The following TUBA3E variants were observed in gnomAD, a reference collection of about 807,000 sequenced individuals.
TUBA3E encodes tubulin alpha 3e.
TUBA3E carries 21 observed loss-of-function variants against 36.7 expected under a neutral mutation model. The ratio of observed to expected loss-of-function variants is 0.57; its 90% confidence interval spans 0.41 to 0.83. TUBA3E has a LOEUF of 0.83. Ranked by LOEUF, TUBA3E falls within the 40% of genes least tolerant of loss-of-function variation. The pLI is 0.00. For missense variants in TUBA3E, 469 were observed against 604.2 expected, an observed-to-expected ratio of 0.78 and a Z score of 2.35; for synonymous variants, 177 against 241.9, an observed-to-expected ratio of 0.73 and a Z score of 2.49.
chr2:130,196,869 G>A (rs946061192), intron 1 of TUBA3E, among the ~76,000 whole-genome samples: 5 of 152,126 alleles, frequency 3.3e-5, no homozygotes, highest in Admixed American at 1.3e-4. Context: ...CTGTGCTCTC[G>A]AAGGCTGACC....
chr2:130,195,097 C>A lies in TUBA3E; in HGVS notation c.357G>T (p.Leu119=). The change falls in exon 3 of 5, where the codon CTG becomes CTT. Residue 119 remains leucine, a synonymous_variant. Coordinates refer to ENST00000312988, the MANE Select transcript of TUBA3E (RefSeq NM_207312.3). The part of the protein sequence containing the change: ...TIGKEIVDLV[L]DRIRKLADLC... ...TTCTTACCAGTTTGCGGATCCGGTC[C>A]AGGACTAGGTCAACAATCTCCTTGC... The A allele has an allele frequency of 6.2e-7, 1 of 1,613,004 alleles. No individual in the cohort carries two copies. The highest frequency in any genetic ancestry group is 8.5e-7 in the Non-Finnish European group (1 of 1,179,452).
intron 1 of TUBA3E, among the ~76,000 whole-genome samples, chr2:130,197,066 C>A (rs1265981545): frequency 6.6e-6 from 1 of 152,170 alleles, no homozygotes; most frequent in African/African-American, 2.4e-5. Flanking sequence ...TGGCAGGCTG[C>A]CCTCTTCATA....
Position 130,196,198 on chromosome 2 carries a change from G to A in TUBA3E, c.177C>T (p.Gly59=). 1 of 1,613,976 alleles carries A rather than the reference G, an allele frequency of 6.2e-7. No homozygotes were observed. Among genetic ancestry groups the A allele is most frequent in the Non-Finnish European group, 8.5e-7 (1 of 1,179,864 alleles). The change falls in exon 2 of 5, where the codon GGC becomes GGT. Residue 59 remains glycine, a synonymous_variant. Coordinates refer to ENST00000312988, the MANE Select transcript of TUBA3E (RefSeq NM_207312.3). ...CAAACACTGCTCTGGGCACGTGCTT[G>A]CCAGCTCCAGTCTCACTGAAGAACG... The part of the protein sequence containing the change: ...FNTFFSETGA[G]KHVPRAVFVD...
chr2:130,195,179 A>G lies in TUBA3E; in HGVS notation c.275T>C (p.Leu92Pro). 6.2e-7 allele frequency: 1 copy of G among 1,614,020 alleles called. No individual in the cohort carries two copies. Among genetic ancestry groups the G allele is most frequent in the African/African-American group, 1.3e-5 (1 of 74,930 alleles). The change falls in exon 3 of 5, where the codon CTG becomes CCG. Residue 92 changes from leucine (L) to proline (P), a missense_variant. This residue lies in a region of TUBA3E where 169 missense variants were observed against 239.0 expected (regional missense o/e 0.71). Transcript: ENST00000312988. ...TYRQLFHPEQ[L>P]ITGKEDAASN... ...GGCTGCATCTTCCTTCCCGGTGATCAGCTGCTCTGGGTGGAAGAGCTGCCT... is the reference window on the plus strand; with the variant it reads ...GGCTGCATCTTCCTTCCCGGTGATCGGCTGCTCTGGGTGGAAGAGCTGCCT...
chr2:130,191,877 C>T lies in TUBA3E; in HGVS notation c.1307G>A (p.Gly436Asp), dbSNP rs1690267510. 1.2e-6 allele frequency: 2 copies of T among 1,614,078 alleles called. No individual in the cohort carries two copies. Among genetic ancestry groups the T allele is most frequent in the African/African-American group, 1.3e-5 (1 of 75,044 alleles). ...AALEKDCEEV[G>D]VDSVEAEAEE... is the part of the protein sequence containing the mutation. ...AGCCTCAGCTTCCACGGAATCCACG[C>T]CCACCTCTTCACAATCCTTCTCTAG... Residue 436 changes from glycine to aspartate, a missense_variant, in exon 5 of 5, where the codon GGC (glycine) becomes GAC (aspartate). By Grantham distance (94) the Gly-to-Asp change is moderately conservative (BLOSUM62 -1). This residue lies in a region of TUBA3E where 296 missense variants were observed against 346.9 expected (regional missense o/e 0.85). Transcript: ENST00000312988.
At position 130,194,829 on chromosome 2, in the gene TUBA3E, C is replaced by A. The variant is rs112341378; in HGVS notation, c.375+250G>T. 3.9e-3 allele frequency among the ~76,000 whole-genome samples: 587 copies of A among 152,254 alleles called. 4 individuals are homozygous for A. Among genetic ancestry groups the A allele is most frequent in the African/African-American group, 0.013 (551 of 41,532 alleles). On this transcript the variant is annotated intron_variant, in intron 3 of 4. Coordinates refer to ENST00000312988, the MANE Select transcript of TUBA3E (RefSeq NM_207312.3). ...AGTAGCTGGCAGTACAGGTGTGTGCCACCACACCCAGCTAATTTTCGTATT... is the reference window on the plus strand; with the variant it reads ...AGTAGCTGGCAGTACAGGTGTGTGCAACCACACCCAGCTAATTTTCGTATT...
intron 3 of TUBA3E, 72 bp from the exon 4 acceptor site, chr2:130,194,538 G>A (rs3828172): frequency 0.35 from 493,306 of 1,390,338 alleles, 80,865 homozygotes; most frequent in Admixed American, 0.42. Context: ...AGCCAGGGCC[G>A]CTTCTCTTTG....
Position 130,193,920 on chromosome 2 carries a change from G to T in TUBA3E, c.922C>A (p.Arg308Ser), listed in dbSNP as rs374949875. ...CAGCAGGCCATGTACTTGCCATGGC[G>T]AGGGTCACACTTGACCATCTGATTG... Reference protein sequence around the residue: ...PANQMVKCDPRHGKYMACCML... With the variant: ...PANQMVKCDPSHGKYMACCML... Residue 308 changes from arginine to serine, a missense_variant, in exon 4 of 5, where the codon CGC (arginine) becomes AGC (serine). By Grantham distance (110) the Arg-to-Ser change is moderately radical. Transcript: ENST00000312988. 1.2e-6 allele frequency: 2 copies of T among 1,614,224 alleles called. No individual in the cohort carries two copies. Among genetic ancestry groups the T allele is most frequent in the Non-Finnish European group, 1.7e-6 (2 of 1,180,040 alleles).
At position 130,198,303 on chromosome 2, in the gene TUBA3E, G is replaced by C; in HGVS notation, c.3+55C>G. 8.9e-6 allele frequency: 12 copies of C among 1,349,688 alleles called. 4 individuals are homozygous for C. The South Asian group carries it at 1.6e-4, about 18-fold the overall frequency. 83.6% of individuals were successfully genotyped at this position (1,349,688 alleles called of 1,614,324 possible). A position where few individuals can be genotyped will look rare whatever the true frequency, so the allele number is the denominator to read the frequency against. ...CGCAACAACGTCCCTCTGTCCACCC[G>C]AGGCCAACTTCGTCTGCCTGGGCAT... On this transcript the variant is annotated intron_variant, in intron 1 of 4. Coordinates refer to ENST00000312988, the MANE Select transcript of TUBA3E (RefSeq NM_207312.3).
intron 2 of TUBA3E, among the ~76,000 whole-genome samples, chr2:130,195,694 C>G (rs1288291064): frequency 1.3e-5 from 2 of 152,206 alleles, no homozygotes; most frequent in African/African-American, 4.8e-5. Flanking sequence ...AAGGTGCTGC[C>G]TCTTTGTAGC....
In TUBA3E at chr2:130,192,263, C is replaced by T. The variant is rs946516267; in HGVS notation, c.1057-136G>A. 5 of 1,294,022 alleles carry T rather than the reference C, an allele frequency of 3.9e-6. No individual in the cohort carries two copies. In the African/African-American group the frequency reaches 7.5e-5, roughly 20 times the overall value. The allele number at this position is 1,294,022 out of a possible 1,614,324, so 80.2% of individuals were successfully genotyped here. A position where few individuals can be genotyped will look rare whatever the true frequency, so the allele number is the denominator to read the frequency against. On this transcript the variant is annotated intron_variant, in intron 4 of 4. Transcript: ENST00000312988. The stretch of plus-strand genomic sequence containing the variant: ...GTTCACCTCACAAACGTCACTAAGC[C>T]CTTCTCTGCACCAGGCAGGGTGATA...
At position 130,194,275 on chromosome 2, in the gene TUBA3E, T is replaced by C. The variant is rs2259488; in HGVS notation, c.567A>G (p.Leu189=). ...AATGTTCCAGGGTCGTGTGGGTGGT[T>C]AGGATGGAGTTGTAGGGCTCCACCA... ...TAVVEPYNSI[L]TTHTTLEHSD... is the part of the protein sequence containing the mutation. The change falls in exon 4 of 5, where the codon CTA becomes CTG. Residue 189 remains leucine (L), a synonymous_variant. Transcript: ENST00000312988. 0.24 allele frequency: 333,192 copies of C among 1,371,912 alleles called. 93,833 individuals are homozygous for C. The highest frequency in any genetic ancestry group is 0.41 in the African/African-American group (24,819 of 60,246). 85.0% of individuals were successfully genotyped at this position (1,371,912 alleles called of 1,614,324 possible). A position where few individuals can be genotyped will look rare whatever the true frequency, so the allele number is the denominator to read the frequency against.
rs1363877673 is a variant in TUBA3E at position 130,191,947 on chromosome 2, T to A, written c.1237A>T (p.Met413Leu). ...AFVHWYVGEG[M>L]EEGEFSEARE... ...GCCTCAGAGAACTCTCCCTCTTCCA[T>A]GCCTTCGCCCACGTACCAGTGCACA... The change falls in exon 5 of 5, where the codon ATG (methionine) becomes TTG (leucine). Residue 413 changes from methionine (M) to leucine (L), a missense_variant. Met to Leu is a conservative substitution (Grantham distance 15). Around this residue, in one of 3 missense-constraint regions of TUBA3E, gnomAD observed 296 missense variants for 346.9 expected, o/e 0.85. Coordinates refer to ENST00000312988, the MANE Select transcript of TUBA3E (RefSeq NM_207312.3). The A allele has an allele frequency of 6.2e-7, 1 of 1,613,930 alleles. No homozygotes were observed. Among genetic ancestry groups the A allele is most frequent in the East Asian group, 2.2e-5 (1 of 44,864 alleles).
chr2:130,195,288 A>G (rs1383768479), intron 2 of TUBA3E, 61 bp from the exon 3 acceptor site: 104 of 1,578,004 alleles, frequency 6.6e-5, no homozygotes, highest in Non-Finnish European at 8.0e-5. Context: ...AGATGGACAC[A>G]TTCCAGGAGT....
At chr2:130,195,425 C>G (rs555284685) in intron 2 of TUBA3E, among the ~76,000 whole-genome samples, 198 bp from the exon 3 acceptor site, 1 of 152,232 alleles carries the variant, frequency 6.6e-6, no homozygotes, top group Non-Finnish European at 1.5e-5. Flanking sequence ...TATGACTCTA[C>G]GACGTTAAAC....
In TUBA3E at chr2:130,194,499, C is replaced by T. The variant is rs182062496; in HGVS notation, c.376-33G>A. 51 of 1,519,918 alleles carry T rather than the reference C, an allele frequency of 3.4e-5. No individual in the cohort carries two copies. In the African/African-American group the frequency reaches 4.0e-4, roughly 12 times the overall value. The allele number at this position is 1,519,918 out of a possible 1,614,324, so 94.2% of individuals were successfully genotyped here. A position where few individuals can be genotyped will look rare whatever the true frequency, so the allele number is the denominator to read the frequency against. Reference sequence around the variant, plus strand: ...AAACCAGACAACGTGAGCCAATGCCCGTGGAAGCCACACCACCAACCTCCA... The same window carrying T: ...AAACCAGACAACGTGAGCCAATGCCTGTGGAAGCCACACCACCAACCTCCA... On this transcript the variant is annotated intron_variant, in intron 3 of 4. Coordinates refer to ENST00000312988, the MANE Select transcript of TUBA3E (RefSeq NM_207312.3).
At chr2:130,192,788 A>ACATATAG (rs1343005306) in intron 4 of TUBA3E, among the ~76,000 whole-genome samples, 1 of 152,164 alleles carries the variant, frequency 6.6e-6, no homozygotes, top group Non-Finnish European at 1.5e-5. Flanking sequence ...GGGATCAGCA[A>ACATATAG]ACTCGTTCTA....
Position 130,195,159 on chromosome 2 carries a change from C to T in TUBA3E, c.295G>A (p.Ala99Thr), listed in dbSNP as rs1274036518. The stretch of plus-strand genomic sequence containing the variant: ...TGGCCCCTGGCGTAATTACTGGCTG[C>T]ATCTTCCTTCCCGGTGATCAGCTGC... ...PEQLITGKED[A>T]ASNYARGHYT... Residue 99 changes from alanine (A) to threonine (T), a missense_variant, in exon 3 of 5, where the codon GCA (alanine) becomes ACA (threonine). By Grantham distance (58) the Ala-to-Thr change is moderately conservative. This residue lies in a region of TUBA3E where 169 missense variants were observed against 239.0 expected (regional missense o/e 0.71). Coordinates refer to ENST00000312988, the MANE Select transcript of TUBA3E (RefSeq NM_207312.3). The T allele has an allele frequency of 6.2e-7, 1 of 1,613,914 alleles. No homozygotes were observed. Among genetic ancestry groups the T allele is most frequent in the African/African-American group, 1.3e-5 (1 of 74,932 alleles).
At position 130,191,919 on chromosome 2, in the gene TUBA3E, C is replaced by A. The variant is rs370991093; in HGVS notation, c.1265G>T (p.Arg422Leu). ...GMEEGEFSEA[R>L]EDLAALEKDC... The stretch of plus-strand genomic sequence containing the variant: ...CTTCTCTAGAGCTGCCAGGTCCTCG[C>A]GGGCCTCAGAGAACTCTCCCTCTTC... Residue 422 changes from arginine to leucine, a missense_variant, in exon 5 of 5, where the codon CGC (arginine) becomes CTC (leucine). Arg to Leu is a moderately radical substitution (Grantham distance 102). Transcript: ENST00000312988. 3.7e-6 allele frequency: 6 copies of A among 1,614,090 alleles called. No individual in the cohort carries two copies. In the South Asian group the frequency reaches 4.4e-5, roughly 12 times the overall value.
Sources: allele counts gnomAD v4.1 joint callset (sites outside exome capture counted in the v4.1 genomes callset), GRCh38; gene constraint gnomAD v4.1.1; regional missense constraint gnomAD v4.1.1; transcripts MANE v1.5; gene names NCBI Gene and HGNC (gene_info 2026-07-23, HGNC 2026-07-21).